Variants in ADGRD1 observed in about 807,000 individuals in gnomAD.
ADGRD1 encodes adhesion G protein-coupled receptor D1.
A neutral mutation model predicts 113.4 loss-of-function variants in ADGRD1; 77 were observed. That is an observed-to-expected ratio of 0.68 (90% confidence interval 0.57 to 0.82). ADGRD1 has a LOEUF of 0.82. Among genes scored for constraint, ADGRD1 ranks in the 40% least tolerant of loss-of-function variants. The pLI is 0.00. For missense variants in ADGRD1, 1,036 were observed against 1,139.1 expected (o/e 0.91, Z 1.30); for synonymous variants, 474 against 475.0 (o/e 1.00, Z 0.03).
rs927378977 is a variant in ADGRD1, at chr12:131,003,812, G to A, written c.1145-374G>A. ...TGAAGCTACAGGGGTTAGTTTAGTC[G>A]CAGTTTGTTGGCCGTGTTGCCCTCG... On this transcript the variant is annotated intron_variant, in intron 10 of 24. Coordinates refer to ENST00000261654, the MANE Select transcript of ADGRD1 (RefSeq NM_198827.5). This position sits in a 1 kb window ranked among gnomAD's most constrained non-coding sequence, Gnocchi z 4.8. Among the ~76,000 whole-genome samples the A allele has an allele frequency of 2.0e-5, 3 of 152,190 alleles. No individual in the cohort carries two copies. Among genetic ancestry groups the A allele is most frequent in the East Asian group, 3.9e-4 (2 of 5,180 alleles).
At chr12:131,040,757 G>A (rs1161309449) in intron 13 of ADGRD1, among the ~76,000 whole-genome samples, 2 of 152,250 alleles carry the variant, frequency 1.3e-5, no homozygotes, top group African/African-American at 2.4e-5. Flanking sequence ...CTGCCAGATC[G>A]CATGCGACAG....
intron 20 of ADGRD1, among the ~76,000 whole-genome samples, chr12:131,129,388 G>A (rs1483889187): frequency 8.1e-6 from 1 of 124,208 alleles, no homozygotes. Context: ...GGGTGTGAGT[G>A]ACAGGCCCGC....
rs952307741 is a variant in ADGRD1, at chr12:131,075,167, T to C, written c.1474-1634T>C. Among the ~76,000 whole-genome samples, 2 of 152,184 alleles carry C rather than the reference T, an allele frequency of 1.3e-5. No homozygotes were observed. The highest frequency in any genetic ancestry group is 6.5e-5 in the Admixed American group (1 of 15,286). Reference sequence around the variant, plus strand: ...TTAAATTTCCTTTAAATTACTCAGGTAACACACAAATACGCCTCCTTGTTA... The same window carrying C: ...TTAAATTTCCTTTAAATTACTCAGGCAACACACAAATACGCCTCCTTGTTA... On this transcript the variant is annotated intron_variant, in intron 13 of 24. Transcript: ENST00000261654. The surrounding 1 kb of genome is among the most constrained non-coding windows in gnomAD (Gnocchi z 5.3).
chr12:131,055,393 C>G (rs1883771161), intron 13 of ADGRD1, among the ~76,000 whole-genome samples: 3 of 152,220 alleles, frequency 2.0e-5, no homozygotes, highest in Non-Finnish European at 2.9e-5. Context: ...ACACTGACTT[C>G]AGCGTTCGGG....
chr12:130,991,185 C>T, intron 7 of ADGRD1, 107 bp downstream of exon 7: 1 of 829,108 alleles, frequency 1.2e-6, no homozygotes. Context: ...CTGTTATCGG[C>T]AGTACATTGT....
chr12:131,062,750 G>A lies in ADGRD1; in HGVS notation c.1474-14051G>A, dbSNP rs150244305. Among the ~76,000 whole-genome samples the A allele has an allele frequency of 7.8e-4, 119 of 152,080 alleles. 2 individuals are homozygous for A. In the East Asian group the frequency reaches 0.02, roughly 26 times the overall value. On this transcript the variant is annotated intron_variant, in intron 13 of 24. Coordinates refer to ENST00000261654, the MANE Select transcript of ADGRD1 (RefSeq NM_198827.5). ...TTTCCTTTATAAATTATGCAGTCTC[G>A]GATATGTCTTTATTAGCAAGGTGAA...
At position 131,135,968 on chromosome 12, in the gene ADGRD1, C is replaced by T. The variant is rs142126377; in HGVS notation, c.2268-69C>T. On this transcript the variant is annotated intron_variant, in intron 21 of 24. Coordinates refer to ENST00000261654, the MANE Select transcript of ADGRD1 (RefSeq NM_198827.5). ...GCACCCATCTGGAAGCCTGGCGTCT[C>T]GAGGGCAGTCCTCACAGCCTGCACC... The T allele has an allele frequency of 3.6e-4, 558 of 1,567,316 alleles. 1 individual carries two copies. Among genetic ancestry groups the T allele is most frequent in the Admixed American group, 5.5e-4 (32 of 58,532 alleles).
intron 3 of ADGRD1, chr12:130,969,063 G>A (rs1871320985): frequency 2.0e-6 from 3 of 1,501,576 alleles, no homozygotes; most frequent in African/African-American, 1.4e-5. Context: ...AAATCTCTCT[G>A]CAACTGTAGG....
At chr12:131,072,611 T>C (rs937268096) in intron 13 of ADGRD1, among the ~76,000 whole-genome samples, 1 of 152,122 alleles carries the variant, frequency 6.6e-6, no homozygotes, top group Non-Finnish European at 1.5e-5. Flanking sequence ...ACCATGTGTG[T>C]GGGGGGTGGC....
chr12:130,986,384 GTATT>G (rs1873682979), intron 5 of ADGRD1, among the ~76,000 whole-genome samples: 1 of 152,068 alleles, frequency 6.6e-6, no homozygotes, highest in Admixed American at 6.5e-5. Context: ...TATAATATAT[GTATT>G]TCTTTTTCCT....
At chr12:131,064,311 G>A (rs908999519) in intron 13 of ADGRD1, among the ~76,000 whole-genome samples, 2 of 152,168 alleles carry the variant, frequency 1.3e-5, no homozygotes, top group East Asian at 1.9e-4. Context: ...ATAGGTGTCC[G>A]TTATTTGAGG....
intron 13 of ADGRD1, among the ~76,000 whole-genome samples, chr12:131,063,195 A>G (rs574342127): frequency 1.3e-5 from 2 of 152,212 alleles, no homozygotes; most frequent in Non-Finnish European, 2.9e-5. Context: ...ATTATTATAG[A>G]TATGAATCCT....
At chr12:131,117,468 G>A (rs974584984) in intron 18 of ADGRD1, among the ~76,000 whole-genome samples, 8 of 152,188 alleles carry the variant, frequency 5.3e-5, no homozygotes, top group Admixed American at 4.6e-4. Context: ...CTCTTGTGGT[G>A]CCAAAATGGC....
chr12:131,107,024 T>C (rs779098746), intron 17 of ADGRD1, among the ~76,000 whole-genome samples: 1 of 152,218 alleles, frequency 6.6e-6, no homozygotes, highest in Non-Finnish European at 1.5e-5. Flanking sequence ...AAGGTCCCAC[T>C]GTGTGCTGGC....
In ADGRD1 at chr12:131,102,468, C is replaced by T. The variant is rs73149909; in HGVS notation, c.1672-2363C>T. Among the ~76,000 whole-genome samples the T allele has an allele frequency of 2.4e-3, 371 of 152,342 alleles. 1 individual carries two copies. Among genetic ancestry groups the T allele is most frequent in the Admixed American group, 5.8e-3 (89 of 15,310 alleles). The stretch of plus-strand genomic sequence containing the variant: ...AAGATGCCTGTGACCTCAGCTCCCA[C>T]CTGGTGGAGCAGAGATGGGCAGCAC... On this transcript the variant is annotated intron_variant, in intron 15 of 24. Transcript: ENST00000261654.
chr12:131,050,357 A>G lies in ADGRD1; in HGVS notation c.1474-26444A>G, dbSNP rs533007951. On this transcript the variant is annotated intron_variant, in intron 13 of 24. Transcript: ENST00000261654. This position sits in a 1 kb window ranked among gnomAD's most constrained non-coding sequence, Gnocchi z 4.8. ...AATTTGACTTGTGTTTTTCTAGCCC[A>G]AATTTCCCAAGATCACGAGCCACTC... is the stretch of plus-strand genomic sequence containing the variant. 2.0e-5 allele frequency among the ~76,000 whole-genome samples: 3 copies of G among 152,160 alleles called. No individual in the cohort carries two copies. Among genetic ancestry groups the G allele is most frequent in the Non-Finnish European group, 4.4e-5 (3 of 68,034 alleles).
chr12:131,092,393 C>T (rs1365013241), intron 15 of ADGRD1, among the ~76,000 whole-genome samples: 2 of 152,170 alleles, frequency 1.3e-5, no homozygotes, highest in African/African-American at 4.8e-5. Context: ...GGTGTGCAGG[C>T]CAGGGAGGTG....
Position 130,991,082 on chromosome 12 carries a change from A to G in ADGRD1, c.810+4A>G. ...GACATCCACAGCAAGCCCCGTGGTG[A>G]GCAGACACATCTTCCTTGGTCCCCC... On this transcript the variant is annotated splice_donor_region_variant and intron_variant, in intron 7 of 24. Coordinates refer to ENST00000261654, the MANE Select transcript of ADGRD1 (RefSeq NM_198827.5). 3 of 1,612,766 alleles carry G rather than the reference A, an allele frequency of 1.9e-6. No homozygotes were observed. The highest frequency in any genetic ancestry group is 2.5e-6 in the Non-Finnish European group (3 of 1,178,874).
At chr12:131,136,900 T>C (rs368822647) in intron 22 of ADGRD1, 73 bp from the exon 23 acceptor site, 251 of 1,229,890 alleles carry the variant, frequency 2.0e-4, no homozygotes, top group Non-Finnish European at 2.8e-4. Flanking sequence ...CCAGGCTGCA[T>C]GGGAGGAACC....
Sources: allele counts gnomAD v4.1 joint callset (sites outside exome capture counted in the v4.1 genomes callset), GRCh38; gene constraint gnomAD v4.1.1; non-coding constraint Gnocchi (gnomAD v3.1); transcripts MANE v1.5; gene names NCBI Gene and HGNC (gene_info 2026-07-23, HGNC 2026-07-21).